PCDH7: variants seen among roughly 807,000 people sequenced by gnomAD.
The protein encoded by PCDH7 is protocadherin-7.
In PCDH7, 17 loss-of-function variants were observed where a neutral mutation model predicts 58.9. That is an observed-to-expected ratio of 0.29 (90% confidence interval 0.20 to 0.43). PCDH7 has a LOEUF of 0.43. Ranked by LOEUF, PCDH7 falls within the 20% of genes least tolerant of loss-of-function variation. PCDH7 has a pLI of 1.00. For missense variants in PCDH7, 1,274 were observed against 1,441.0 expected, an observed-to-expected ratio of 0.88 and a Z score of 1.88; for synonymous variants, 664 against 616.4, an observed-to-expected ratio of 1.08 and a Z score of -1.14.
chr4:30,923,128 C>T (rs1743398329), intron 2 of PCDH7, among the ~76,000 whole-genome samples: 2 of 152,078 alleles, frequency 1.3e-5, no homozygotes, highest in Non-Finnish European at 2.9e-5. Flanking sequence ...ATTTTGGATG[C>T]TGTGCTAGTT....
intron 1 of PCDH7, among the ~76,000 whole-genome samples, chr4:30,796,913 C>T (rs1369570076): frequency 1.3e-5 from 2 of 151,982 alleles, no homozygotes; most frequent in South Asian, 2.1e-4. Context: ...TCCTACCTGC[C>T]GTTTTCTTTT....
chr4:31,084,237 G>A (rs1415099721), intron 3 of PCDH7, among the ~76,000 whole-genome samples: 1 of 152,138 alleles, frequency 6.6e-6, no homozygotes, highest in Non-Finnish European at 1.5e-5. Context: ...AAGGAAGGCT[G>A]CATTTGATTG....
intron 1 of PCDH7, among the ~76,000 whole-genome samples, chr4:30,780,274 G>A (rs1403916001): frequency 1.3e-5 from 2 of 152,094 alleles, no homozygotes; most frequent in Non-Finnish European, 2.9e-5. Context: ...GGGAGGTCGA[G>A]GCAGGTAGAT....
At chr4:30,980,288 A>T (rs929984824) in intron 3 of PCDH7, among the ~76,000 whole-genome samples, 2 of 152,236 alleles carry the variant, frequency 1.3e-5, no homozygotes, top group African/African-American at 4.8e-5. Flanking sequence ...TTAAAGTCAC[A>T]ATAATCTGAA....
chr4:31,047,879 A>T (rs1295140870), intron 3 of PCDH7, among the ~76,000 whole-genome samples: 3 of 152,064 alleles, frequency 2.0e-5, no homozygotes, highest in Non-Finnish European at 2.9e-5. Context: ...CCCACTTGAT[A>T]GGAGGTCTGT....
At chr4:30,808,044 G>A (rs984436800) in intron 1 of PCDH7, among the ~76,000 whole-genome samples, 10 of 152,198 alleles carry the variant, frequency 6.6e-5, no homozygotes, top group Non-Finnish European at 1.5e-4. Flanking sequence ...GGGCTTGTAG[G>A]CACATCTCTG....
At chr4:30,936,708 G>C (rs894540067) in intron 2 of PCDH7, among the ~76,000 whole-genome samples, 1 of 151,814 alleles carries the variant, frequency 6.6e-6, no homozygotes, top group Non-Finnish European at 1.5e-5. Context: ...TTTGATGTTG[G>C]TACCTGGTAT....
intron 1 of PCDH7, among the ~76,000 whole-genome samples, chr4:30,757,041 A>G (rs1275696959): frequency 6.6e-6 from 1 of 152,176 alleles, no homozygotes; most frequent in Non-Finnish European, 1.5e-5. Context: ...ACAGTTCTAC[A>G]TCTTTTTCAT....
chr4:30,944,882 G>A (rs1376215651), intron 2 of PCDH7, among the ~76,000 whole-genome samples: 6 of 152,124 alleles, frequency 3.9e-5, no homozygotes, highest in Admixed American at 3.9e-4. Flanking sequence ...AGTGGGTTAT[G>A]CTATTGTGGT....
intron 1 of PCDH7, among the ~76,000 whole-genome samples, chr4:30,847,548 C>A (rs771172818): frequency 6.6e-6 from 1 of 152,142 alleles, no homozygotes; most frequent in Non-Finnish European, 1.5e-5. Context: ...GAATAGTATA[C>A]AGTTAAATTA....
At chr4:31,143,146 A>G (rs1472921775), downstream of PCDH7, 2 of 193,306 alleles carry the variant, frequency 1.0e-5, no homozygotes, top group Admixed American at 5.5e-5. Context: ...AGAAAAAAAA[A>G]GGGGGATAGT....
rs180787991 is a variant in PCDH7, at chr4:31,090,393, C to T, written c.*8-52080C>T. 1.1e-3 allele frequency among the ~76,000 whole-genome samples: 165 copies of T among 151,912 alleles called. 1 individual carries two copies. Among genetic ancestry groups the T allele is most frequent in the African/African-American group, 3.4e-3 (139 of 41,400 alleles). ...GGGTAAATGGATTATCCGTCACCTA[C>T]GGCATTTATCCTTTGTGTTACAAAC... On this transcript the variant is annotated intron_variant, in intron 3 of 3. Transcript: ENST00000509759.
intron 3 of PCDH7, among the ~76,000 whole-genome samples, chr4:31,136,792 C>T (rs754904542): frequency 2.6e-5 from 4 of 152,218 alleles, no homozygotes; most frequent in Non-Finnish European, 4.4e-5. Flanking sequence ...TAGTTATTTA[C>T]GTGAAAAAGC....
At chr4:31,086,603 C>T (rs918866390) in intron 3 of PCDH7, among the ~76,000 whole-genome samples, 2 of 152,128 alleles carry the variant, frequency 1.3e-5, no homozygotes, top group Admixed American at 6.6e-5. Flanking sequence ...GAAAATTCCA[C>T]TTTCAGAAAG....
At chr4:31,011,636 G>T (rs1753193039) in intron 3 of PCDH7, among the ~76,000 whole-genome samples, 1 of 151,946 alleles carries the variant, frequency 6.6e-6, no homozygotes, top group Non-Finnish European at 1.5e-5. Flanking sequence ...AAAGGCTGGG[G>T]TATATATGAA....
At chr4:30,787,128 C>A (rs1205746666) in intron 1 of PCDH7, among the ~76,000 whole-genome samples, 1 of 152,090 alleles carries the variant, frequency 6.6e-6, no homozygotes, top group African/African-American at 2.4e-5. Flanking sequence ...ACAGGAAATT[C>A]TTTTTCTTCA....
intron 1 of PCDH7, among the ~76,000 whole-genome samples, chr4:30,849,354 T>G (rs1578036836): frequency 1.3e-5 from 2 of 148,864 alleles, no homozygotes; most frequent in South Asian, 4.4e-4. Flanking sequence ...ACCTGTAAGA[T>G]CACAACATGT....
At chr4:31,099,604 A>G (rs1010930112) in intron 3 of PCDH7, among the ~76,000 whole-genome samples, 3 of 152,188 alleles carry the variant, frequency 2.0e-5, no homozygotes, top group African/African-American at 7.2e-5. Context: ...AGGCACTGCG[A>G]TGCATTATCT....
intron 1 of PCDH7, among the ~76,000 whole-genome samples, chr4:30,905,913 T>A (rs79181423): frequency 0.027 from 4,142 of 152,282 alleles, 186 homozygotes; most frequent in African/African-American, 0.093. Flanking sequence ...AGGAATTCAA[T>A]ATTTTTATGA....
Sources: gnomAD v4.1 joint callset for allele counts (sites outside exome capture counted in the v4.1 genomes callset) on GRCh38, gnomAD v4.1.1 for gene constraint, MANE v1.5 for transcripts, NCBI Gene and HGNC (gene_info 2026-07-23, HGNC 2026-07-21) for gene names.